RNPEP: variants seen among roughly 807,000 people sequenced by gnomAD.
RNPEP encodes arginyl aminopeptidase, also known as aminopeptidase B.
A neutral mutation model predicts 70.1 loss-of-function variants in RNPEP; 57 were observed. The observed-to-expected ratio is 0.81, with a 90% CI of 0.66 to 1.01. The LOEUF (loss-of-function observed/expected upper bound fraction) is 1.01. Among genes scored for constraint, RNPEP ranks in the 50% least tolerant of loss-of-function variants. The pLI is 0.00. For synonymous variants in RNPEP, 335 were observed against 357.4 expected (o/e 0.94, Z 0.71); for missense variants, 787 against 852.4 (o/e 0.92, Z 0.96).
Position 201,997,299 on chromosome 1 carries a change from A to G in RNPEP, c.855-20A>G, listed in dbSNP as rs763742202. 6.2e-7 allele frequency: 1 copy of G among 1,603,780 alleles called. No homozygotes were observed. The highest frequency in any genetic ancestry group is 8.5e-7 in the Non-Finnish European group (1 of 1,171,366). ...TCCGGGAAGCCAGGGCCTCTTGGTG[A>G]CCTCCCCGCTTCTCGGCAGGTATGA... On this transcript the variant is annotated intron_variant, in intron 4 of 10. Transcript: ENST00000295640.
chr1:202,005,757 G>C lies in RNPEP; in HGVS notation c.*41G>C. The C allele has an allele frequency of 6.2e-7, 1 of 1,605,378 alleles. No homozygotes were observed. On this transcript the variant is annotated 3_prime_UTR_variant, in exon 11 of 11. Coordinates refer to ENST00000295640, the MANE Select transcript of RNPEP (RefSeq NM_020216.4). ...GCCCCTGCCTCTTCAGGCTCTCCAG[G>C]CTTTCAGAATAATTGTTTGTTCCCA...
At chr1:201,998,096 TG>T (rs1424850861) in intron 5 of RNPEP, among the ~76,000 whole-genome samples, 5 of 152,180 alleles carry the variant, frequency 3.3e-5, no homozygotes, top group African/African-American at 1.2e-4. Flanking sequence ...CATATATGGA[TG>T]TTTTTTAATT....
intron 5 of RNPEP, among the ~76,000 whole-genome samples, chr1:201,998,941 A>G (rs1282336722): frequency 2.0e-5 from 3 of 152,222 alleles, no homozygotes; most frequent in Admixed American, 2.0e-4. Flanking sequence ...CTAAGTTTTC[A>G]CAGAAGATCA....
chr1:201,986,934 T>TATC (rs1558259238), intron 1 of RNPEP, among the ~76,000 whole-genome samples: 1 of 152,322 alleles, frequency 6.6e-6, no homozygotes, highest in East Asian at 1.9e-4. Context: ...AAGCAGTGAT[T>TATC]ATCAGCTTTC....
intron 6 of RNPEP, 56 bp from the exon 7 acceptor site, chr1:202,001,320 C>T (rs951340870): frequency 1.4e-4 from 166 of 1,195,906 alleles, no homozygotes; most frequent in Non-Finnish European, 1.3e-4. Flanking sequence ...TAGAGAAGAA[C>T]GTTACGGGTG....
chr1:201,989,520 A>C lies in RNPEP; in HGVS notation c.726A>C (p.Glu242Asp). Residue 242 changes from glutamate to aspartate, a missense_variant, in exon 3 of 11, where the codon GAA becomes GAC. Physicochemically the swap from Glu to Asp is conservative, Grantham distance 45. Transcript: ENST00000295640. ...ALAIGDLVSA[E>D]VGPRSRVWAE... ...CCATCGGAGATCTGGTTTCGGCTGA[A>C]GTTGGACCCAGGTAGGAGACAAAGA... is the stretch of plus-strand genomic sequence containing the variant. 6.2e-7 allele frequency: 1 copy of C among 1,614,134 alleles called. No homozygotes were observed. The highest frequency in any genetic ancestry group is 8.5e-7 in the Non-Finnish European group (1 of 1,180,022).
At chr1:201,995,398 T>G (rs1250699735) in intron 3 of RNPEP, among the ~76,000 whole-genome samples, 8 of 152,096 alleles carry the variant, frequency 5.3e-5, no homozygotes, top group Admixed American at 5.2e-4. Flanking sequence ...ATTAGTAGGT[T>G]TGGGTCGGAC....
intron 3 of RNPEP, among the ~76,000 whole-genome samples, chr1:201,993,446 A>G (rs372426786): frequency 1.3e-3 from 194 of 152,154 alleles, no homozygotes; most frequent in African/African-American, 4.5e-3. Context: ...AAAACACAAA[A>G]ATCAGCCGGA....
Position 201,997,391 on chromosome 1 carries a change from C to G in RNPEP, c.927C>G (p.Thr309=). The change falls in exon 5 of 11, where the codon ACC becomes ACG. Residue 309 remains threonine (T), a synonymous_variant. Transcript: ENST00000295640. ...GMENPCLTFV[T]PCLLAGDRSL... ...AGAACCCTTGTCTGACCTTTGTCAC[C>G]CCCTGCCTGCTAGCTGGGGACCGCT... 6.2e-7 allele frequency: 1 copy of G among 1,614,120 alleles called. No homozygotes were observed. Among genetic ancestry groups the G allele is most frequent in the Non-Finnish European group, 8.5e-7 (1 of 1,180,038 alleles).
chr1:202,003,201 G>A (rs754203663), intron 8 of RNPEP, 36 bp from the exon 9 acceptor site: 2 of 1,546,480 alleles, frequency 1.3e-6, no homozygotes, highest in South Asian at 1.1e-5. Context: ...AACCTGGCCA[G>A]AGAATTCTGA....
chr1:201,993,672 G>A (rs546517228), intron 3 of RNPEP, among the ~76,000 whole-genome samples: 8 of 150,750 alleles, frequency 5.3e-5, no homozygotes, highest in Non-Finnish European at 1.0e-4. Context: ...CCAGCTACTT[G>A]GGAGGCTGAG....
In RNPEP at chr1:202,005,643, C is replaced by T. The variant is rs761768969; in HGVS notation, c.1880C>T (p.Ala627Val). The change falls in exon 11 of 11, where the codon GCA (alanine) becomes GTA (valine). Residue 627 changes from alanine (A) to valine (V), a missense_variant. Coordinates refer to ENST00000295640, the MANE Select transcript of RNPEP (RefSeq NM_020216.4). ...CAGACCCTCGCCAAGGAGACTTTTGCATCCACCGCCTCCCAGCTCCACAGC... is the reference window on the plus strand; with the variant it reads ...CAGACCCTCGCCAAGGAGACTTTTGTATCCACCGCCTCCCAGCTCCACAGC... ...VAQTLAKETF[A>V]STASQLHSNV... The T allele has an allele frequency of 6.2e-7, 1 of 1,614,222 alleles. No homozygotes were observed. The highest frequency in any genetic ancestry group is 1.7e-5 in the Admixed American group (1 of 60,026).
intron 1 of RNPEP, chr1:201,983,354 C>T (rs1683009699): frequency 1.3e-6 from 2 of 1,495,722 alleles, no homozygotes; most frequent in Admixed American, 4.4e-5. Flanking sequence ...CATCCTTCAC[C>T]CTTTCCGTCC....
Position 201,988,981 on chromosome 1 carries a change from C to G in RNPEP, c.525C>G (p.Asn175Lys). Residue 175 changes from asparagine (N) to lysine (K), a missense_variant, in exon 2 of 11, where the codon AAC (asparagine) becomes AAG (lysine). Physicochemically the swap from Asn to Lys is moderately conservative, Grantham distance 94. Coordinates refer to ENST00000295640, the MANE Select transcript of RNPEP (RefSeq NM_020216.4). ...ACACCCAGGGCCAGGCTGTCCTAAA[C>G]CGGGCCTTCTTCCCTTGCTTCGACA... is the stretch of plus-strand genomic sequence containing the variant. ...FVYTQGQAVLNRAFFPCFDTP... is the reference protein window; with the variant it reads ...FVYTQGQAVLKRAFFPCFDTP... 1 of 1,614,174 alleles carries G rather than the reference C, an allele frequency of 6.2e-7. No individual in the cohort carries two copies. The highest frequency in any genetic ancestry group is 8.5e-7 in the Non-Finnish European group (1 of 1,180,036).
rs1683820393 is a variant in RNPEP at position 202,001,725 on chromosome 1, T to TA, written c.1385dup (p.Tyr462Ter). Reference protein sequence around the residue: ...ADDFLDFYLEYFPELKKKRVD... With the variant: ...ADDFLDFYLE ...TGACTTTCTGGACTTCTACTTGGAATATTTCCCTGAGCTTAAGAAAAAGAG... is the reference window on the plus strand; with the variant it reads ...TGACTTTCTGGACTTCTACTTGGAATAATTTCCCTGAGCTTAAGAAAAAGAG... Residue 462 changes from tyrosine (Y) to a stop codon, truncating the protein, a stop_gained and frameshift_variant, in exon 8 of 11, where the codon TAT becomes TAAT. Coordinates refer to ENST00000295640, the MANE Select transcript of RNPEP (RefSeq NM_020216.4). LOFTEE classifies it high-confidence loss of function. 1 of 1,613,146 alleles carries TA rather than the reference T, an allele frequency of 6.2e-7. No individual in the cohort carries two copies. The highest frequency in any genetic ancestry group is 1.3e-5 in the African/African-American group (1 of 74,992).
chr1:201,984,840 T>TTTC (rs1683076703), intron 1 of RNPEP, among the ~76,000 whole-genome samples: 1 of 134,120 alleles, frequency 7.5e-6, no homozygotes, highest in Admixed American at 7.8e-5. Flanking sequence ...TTTTTTTTTT[T>TTTC]TTTTTTTTTT....
At position 201,988,903 on chromosome 1, in the gene RNPEP, G is replaced by C. The variant is rs140102342; in HGVS notation, c.448-1G>C. The stretch of plus-strand genomic sequence containing the variant: ...TCTGAAATGTTCTTCTTTTCGCTTA[G>C]GTTTGCTGGTTGGCTCCCGAGCAGA... On this transcript the variant is annotated splice_acceptor_variant, in intron 1 of 10. Transcript: ENST00000295640. LOFTEE classifies it high-confidence loss of function. 2.1e-4 allele frequency: 333 copies of C among 1,609,692 alleles called. 2 individuals carry two copies. Among genetic ancestry groups the C allele is most frequent in the Non-Finnish European group, 4.2e-5 (50 of 1,178,132 alleles).
At chr1:202,003,058 A>G in intron 8 of RNPEP, 179 bp from the exon 9 acceptor site, 2 of 592,624 alleles carry the variant, frequency 3.4e-6, no homozygotes, top group Non-Finnish European at 6.0e-6. Flanking sequence ...CAGTCTCTAG[A>G]TGTCGTTATA....
At chr1:202,000,125 G>A in intron 6 of RNPEP, 110 bp downstream of exon 6, 1 of 797,630 alleles carries the variant, frequency 1.3e-6, no homozygotes, top group African/African-American at 1.7e-5. Flanking sequence ...TTTATTTGGA[G>A]GGAGGGGCAC....
Sources: gnomAD v4.1 joint callset for allele counts (sites outside exome capture counted in the v4.1 genomes callset) on GRCh38, gnomAD v4.1.1 for gene constraint, MANE v1.5 for transcripts, NCBI Gene and HGNC (gene_info 2026-07-23, HGNC 2026-07-21) for gene names.